The following HLA-DPA1 variants were observed in gnomAD, a reference collection of about 807,000 sequenced individuals.
The protein encoded by HLA-DPA1 is major histocompatibility complex, class II, DP alpha 1, also known as HLA class II histocompatibility antigen, DP alpha 1 chain.
Under a neutral mutation model 21.5 loss-of-function variants are expected in HLA-DPA1, and 20 were observed. That is an observed-to-expected ratio of 0.93 (90% confidence interval 0.66 to 1.35). The LOEUF (loss-of-function observed/expected upper bound fraction) is 1.35. Among genes scored for constraint, HLA-DPA1 ranks in the 40% most tolerant of loss-of-function variants. HLA-DPA1 has a pLI of 0.00. For missense variants in HLA-DPA1, 279 were observed against 323.0 expected (o/e 0.86, Z 1.05); for synonymous variants, 123 against 129.6 (o/e 0.95, Z 0.35).
Position 33,080,515 on chromosome 6 carries a change from G to C in HLA-DPA1, c.-100+165C>G, listed in dbSNP as rs750089900. The C allele has an allele frequency of 6.7e-5, 72 of 1,081,074 alleles. No individual in the cohort carries two copies. The highest frequency in any genetic ancestry group is 1.3e-5 in the Non-Finnish European group (9 of 719,322). The allele number at this position is 1,081,074 out of a possible 1,614,324, so 67.0% of individuals were successfully genotyped here. On this transcript the variant is annotated intron_variant, in intron 1 of 5. Coordinates refer to ENST00000419277, the Ensembl canonical transcript of HLA-DPA1. The surrounding 1 kb of genome is among the most constrained non-coding windows in gnomAD (Gnocchi z 4.3). ...CAGGCCTGGAGAGGCTCTGCGACCC[G>C]CTTAGGACCACAGAACTCGGTACTA...
At chr6:33,066,637 A>G (rs1378189334) in intron 5 of HLA-DPA1, 1 of 152,226 alleles carries the variant, frequency 6.6e-6, no homozygotes, top group Admixed American at 6.5e-5. Context: ...GCCAGAAGTC[A>G]GATTAGAGGA....
chr6:33,073,165 CTT>C (rs978137530), intron 2 of HLA-DPA1, among the ~76,000 whole-genome samples: 1 of 152,190 alleles, frequency 6.6e-6, no homozygotes, highest in African/African-American at 2.4e-5. Flanking sequence ...CCTTGGAAAA[CTT>C]ATTCATCTTT....
intron 3 of HLA-DPA1, 158 bp downstream of exon 2, chr6:33,069,483 G>T: frequency 9.2e-7 from 1 of 1,081,970 alleles, no homozygotes; most frequent in Non-Finnish European, 1.4e-6. Context: ...TGAGAAGAGA[G>T]GATGCAAGCC....
intron 5 of HLA-DPA1, 179 bp downstream of exon 4, chr6:33,068,459 T>C (rs1329353071): frequency 1.5e-5 from 8 of 537,702 alleles, no homozygotes; most frequent in Non-Finnish European, 2.7e-5. Context: ...AGTTAATAAA[T>C]GTAAATCCTC....
chr6:33,080,688 G>GTTAC lies in HLA-DPA1; in HGVS notation c.-109_-108insGTAA, dbSNP rs1247614486. ...TCCCCGCAGAGAATTACCTTTTCCA[G>GTTAC]GGACGGCAGGAATGCTACGCGTTTA... On this transcript the variant is annotated 5_prime_UTR_variant, in exon 1 of 6. Transcript: ENST00000419277. The surrounding 1 kb of genome is among the most constrained non-coding windows in gnomAD (Gnocchi z 4.3). The GTTAC allele has an allele frequency of 1.2e-6, 2 of 1,612,686 alleles. No homozygotes were observed. Among genetic ancestry groups the GTTAC allele is most frequent in the Non-Finnish European group, 1.7e-6 (2 of 1,179,518 alleles).
intron 1 of HLA-DPA1, among the ~76,000 whole-genome samples, chr6:33,075,064 G>A (rs1387628085): frequency 6.6e-6 from 1 of 152,158 alleles, no homozygotes; most frequent in African/African-American, 2.4e-5. Context: ...AAGAAGTAAT[G>A]TTCTTTGAAA....
chr6:33,078,953 G>A (rs1353589940), intron 1 of HLA-DPA1, among the ~76,000 whole-genome samples: 1 of 152,132 alleles, frequency 6.6e-6, no homozygotes, highest in African/African-American at 2.4e-5. Context: ...GGGGGCTCTG[G>A]GCCTGGAATT....
In HLA-DPA1 at chr6:33,071,396, G is replaced by A. The variant is rs142111495; in HGVS notation, c.101-1510C>T. Among the ~76,000 whole-genome samples the A allele has an allele frequency of 3.5e-3, 530 of 152,300 alleles. 2 individuals are homozygous for A. Among genetic ancestry groups the A allele is most frequent in the East Asian group, 0.025 (131 of 5,184 alleles). ...TAAAAAGACACAAAGTCCTCTAGCA[G>A]TTATTGGAAACTCATCTTCTTAATA... On this transcript the variant is annotated intron_variant, in intron 2 of 5. Coordinates refer to ENST00000419277, the Ensembl canonical transcript of HLA-DPA1.
At chr6:33,072,788 A>G (rs982621519) in intron 2 of HLA-DPA1, among the ~76,000 whole-genome samples, 3 of 152,320 alleles carry the variant, frequency 2.0e-5, no homozygotes, top group Non-Finnish European at 4.4e-5. Context: ...CCTTGCAGCT[A>G]TCAAAAGTCT....
rs149502905 is a variant in HLA-DPA1, at chr6:33,076,582, T to C, written c.-99-2913A>G. ...TTCAGTGCTCACGAAGAATGCCTCT[T>C]ATTCCCCAGGGTGGAGCAGGAGCCC... On this transcript the variant is annotated intron_variant, in intron 1 of 5. Coordinates refer to ENST00000419277, the Ensembl canonical transcript of HLA-DPA1. 3.6e-3 allele frequency among the ~76,000 whole-genome samples: 542 copies of C among 152,294 alleles called. 3 individuals are homozygous for C. Among genetic ancestry groups the C allele is most frequent in the East Asian group, 0.026 (133 of 5,184 alleles).
chr6:33,080,534 G>T lies in HLA-DPA1; in HGVS notation c.-100+146C>A. 7.9e-7 allele frequency: 1 copy of T among 1,265,620 alleles called. No homozygotes were observed. The allele number at this position is 1,265,620 out of a possible 1,614,324, so 78.4% of individuals were successfully genotyped here. On this transcript the variant is annotated intron_variant, in intron 1 of 5. Transcript: ENST00000419277. This position sits in a 1 kb window ranked among gnomAD's most constrained non-coding sequence, Gnocchi z 4.3. ...CGACCCGCTTAGGACCACAGAACTC[G>T]GTACTAGGAAAACTCCTATTTTAAA...
intron 3 of HLA-DPA1, 54 bp downstream of exon 2, chr6:33,069,587 C>T: frequency 1.3e-6 from 2 of 1,598,346 alleles, no homozygotes; most frequent in South Asian, 1.1e-5. Context: ...GGCAGAGAGG[C>T]CCTCTCATCC....
chr6:33,073,064 GGTCACT>G (rs1762357109), intron 2 of HLA-DPA1, among the ~76,000 whole-genome samples: 1 of 152,208 alleles, frequency 6.6e-6, no homozygotes, highest in Non-Finnish European at 1.5e-5. Flanking sequence ...CCTGATAGTA[GGTCACT>G]GTGTGCAGGA....
chr6:33,078,259 G>C (rs1231821162), intron 1 of HLA-DPA1, among the ~76,000 whole-genome samples: 1 of 152,146 alleles, frequency 6.6e-6, no homozygotes, highest in Admixed American at 6.5e-5. Flanking sequence ...AGGGACTGAG[G>C]GTAGATTACT....
At chr6:33,073,820 C>T in intron 1 of HLA-DPA1, 171 bp from the exon 1 acceptor site, 1 of 456,890 alleles carries the variant, frequency 2.2e-6, no homozygotes, top group Non-Finnish European at 3.9e-6. Context: ...GTCAAGAGAG[C>T]TCCAGTTCAC....
At chr6:33,076,683 G>A (rs1401685863) in intron 1 of HLA-DPA1, among the ~76,000 whole-genome samples, 1 of 152,160 alleles carries the variant, frequency 6.6e-6, no homozygotes, top group Non-Finnish European at 1.5e-5. Flanking sequence ...CTCATTAAAG[G>A]TACTTCTCCC....
intron 1 of HLA-DPA1, among the ~76,000 whole-genome samples, chr6:33,078,282 G>A (rs888242295): frequency 1.3e-5 from 2 of 152,140 alleles, no homozygotes; most frequent in Admixed American, 6.5e-5. Context: ...AGCTCCCTGC[G>A]TAGAATGAAT....
chr6:33,071,237 A>T lies in HLA-DPA1; in HGVS notation c.101-1351T>A, dbSNP rs184610772. 3.5e-3 allele frequency among the ~76,000 whole-genome samples: 537 copies of T among 152,342 alleles called. 2 individuals carry two copies. Among genetic ancestry groups the T allele is most frequent in the East Asian group, 0.026 (133 of 5,188 alleles). ...ATTTTTCACTGAGAATGACTCCCTG[A>T]CACAGTAAGTGGCCAAGCAAAGAGT... On this transcript the variant is annotated intron_variant, in intron 2 of 5. Transcript: ENST00000419277.
exon 6 of HLA-DPA1, chr6:33,064,648 A>G (rs1177116956): frequency 2.0e-5 from 3 of 152,202 alleles, no homozygotes; most frequent in Non-Finnish European, 4.4e-5. Context: ...TGCTATAATT[A>G]CAATACAGCC....
Sources: allele counts gnomAD v4.1 joint callset (sites outside exome capture counted in the v4.1 genomes callset), GRCh38; gene constraint gnomAD v4.1.1; non-coding constraint Gnocchi (gnomAD v3.1); transcripts MANE v1.5; gene names NCBI Gene and HGNC (gene_info 2026-07-23, HGNC 2026-07-21).